Variants in CADPS2 observed in about 807,000 individuals in gnomAD.
CADPS2 encodes calcium dependent secretion activator 2.
A neutral mutation model predicts 172.5 loss-of-function variants in CADPS2; 93 were observed. That is an observed-to-expected ratio of 0.54 (90% CI 0.46 to 0.64). CADPS2 has a LOEUF of 0.64. Among genes scored for constraint, CADPS2 ranks in the 30% least tolerant of loss-of-function variants. The pLI is 0.00. For missense variants in CADPS2, 1,420 were observed against 1,565.9 expected (o/e 0.91, Z 1.57); for synonymous variants, 546 against 555.2 (o/e 0.98, Z 0.23).
At chr7:122,365,014 T>C (rs147674315) in intron 25 of CADPS2, among the ~76,000 whole-genome samples, 2 of 152,296 alleles carry the variant, frequency 1.3e-5, no homozygotes, top group East Asian at 3.9e-4. Flanking sequence ...AGCCAAAGGA[T>C]AGCAGAGATA....
chr7:122,755,586 T>A (rs915636728), intron 1 of CADPS2, among the ~76,000 whole-genome samples: 1 of 152,050 alleles, frequency 6.6e-6, no homozygotes, highest in Non-Finnish European at 1.5e-5. Flanking sequence ...GAACTTCCAG[T>A]ACATAAAATG....
At chr7:122,883,253 G>A (rs538008092) in intron 1 of CADPS2, among the ~76,000 whole-genome samples, 3 of 152,070 alleles carry the variant, frequency 2.0e-5, no homozygotes, top group East Asian at 1.9e-4. Flanking sequence ...AATAGTGAAC[G>A]GGCTTTGACT....
intron 1 of CADPS2, among the ~76,000 whole-genome samples, chr7:122,836,715 CAAG>C (rs1451075410): frequency 6.6e-6 from 1 of 152,186 alleles, no homozygotes; most frequent in Non-Finnish European, 1.5e-5. Flanking sequence ...ATCAATTCAA[CAAG>C]AAGAGCTAAC....
At chr7:122,490,385 A>T in intron 10 of CADPS2, 104 bp from the exon 11 acceptor site, 1 of 802,414 alleles carries the variant, frequency 1.2e-6, no homozygotes, top group Admixed American at 2.3e-5. Flanking sequence ...TGATATTAGC[A>T]GTTAAATGTT....
chr7:122,801,379 T>C (rs1797614725), intron 1 of CADPS2, among the ~76,000 whole-genome samples: 1 of 152,150 alleles, frequency 6.6e-6, no homozygotes, highest in Non-Finnish European at 1.5e-5. Context: ...CATTAACAGA[T>C]TAAAGGACAA....
intron 6 of CADPS2, among the ~76,000 whole-genome samples, chr7:122,601,858 C>T (rs1249516330): frequency 1.3e-5 from 2 of 152,032 alleles, no homozygotes; most frequent in Non-Finnish European, 2.9e-5. Flanking sequence ...AGCTCTCATG[C>T]TGCAAAAGTT....
chr7:122,725,337 T>TTA (rs35468775), intron 2 of CADPS2, among the ~76,000 whole-genome samples: 7,326 of 151,770 alleles, frequency 0.048, 234 homozygotes, highest in Non-Finnish European at 0.05. Context: ...AACATCTCTT[T>TTA]TATATATATA....
chr7:122,644,589 T>C (rs1172702172), intron 3 of CADPS2, among the ~76,000 whole-genome samples: 3 of 152,218 alleles, frequency 2.0e-5, no homozygotes. Context: ...ATTCCACCTG[T>C]ATTTGAAAGG....
chr7:122,449,561 A>G (rs1263308501), intron 15 of CADPS2, among the ~76,000 whole-genome samples: 1 of 152,124 alleles, frequency 6.6e-6, no homozygotes, highest in Non-Finnish European at 1.5e-5. Flanking sequence ...GGCTCAAGCA[A>G]CCTTCCCTCC....
chr7:122,792,527 C>T (rs1160224617), intron 1 of CADPS2, among the ~76,000 whole-genome samples: 1 of 152,100 alleles, frequency 6.6e-6, no homozygotes, highest in Non-Finnish European at 1.5e-5. Context: ...TTATAAGCTA[C>T]CCAGTTTATG....
At chr7:122,480,486 A>G (rs2057157689) in intron 12 of CADPS2, among the ~76,000 whole-genome samples, 1 of 152,204 alleles carries the variant, frequency 6.6e-6, no homozygotes, top group African/African-American at 2.4e-5. Flanking sequence ...AATATTTTAG[A>G]TGTAATTCTA....
At chr7:122,806,366 G>C (rs932256381) in intron 1 of CADPS2, among the ~76,000 whole-genome samples, 3 of 152,022 alleles carry the variant, frequency 2.0e-5, no homozygotes, top group East Asian at 3.9e-4. Flanking sequence ...TGTACCCACA[G>C]AACTAAAAAC....
chr7:122,821,784 T>C (rs921541207), intron 1 of CADPS2, among the ~76,000 whole-genome samples: 25 of 152,046 alleles, frequency 1.6e-4, no homozygotes, highest in Non-Finnish European at 2.6e-4. Context: ...CTTTTAAAAA[T>C]ACACCTCACC....
At chr7:122,826,040 G>C (rs758636896) in intron 1 of CADPS2, among the ~76,000 whole-genome samples, 6 of 152,130 alleles carry the variant, frequency 3.9e-5, no homozygotes, top group Non-Finnish European at 7.4e-5. Context: ...AGACAACATG[G>C]GGAGCTTAAC....
In CADPS2 at chr7:122,808,264, G is replaced by A. The variant is rs553726804; in HGVS notation, c.340-71196C>T. Among the ~76,000 whole-genome samples the A allele has an allele frequency of 9.9e-5, 15 of 152,104 alleles. No individual in the cohort carries two copies. In the East Asian group the frequency reaches 2.5e-3, roughly 25 times the overall value. On this transcript the variant is annotated intron_variant, in intron 1 of 29. Transcript: ENST00000449022. ...AGTGTGTTGTTAAACTGCTTCCCTG[G>A]CAACATTCTATGTTCATGTTTTTAC...
At chr7:122,710,294 A>T (rs2088492820) in intron 2 of CADPS2, among the ~76,000 whole-genome samples, 1 of 152,024 alleles carries the variant, frequency 6.6e-6, no homozygotes, top group Admixed American at 6.6e-5. Flanking sequence ...ACCCTTTCTT[A>T]TTTGTTATAT....
At chr7:122,730,688 G>T (rs941421043) in intron 2 of CADPS2, among the ~76,000 whole-genome samples, 1 of 151,506 alleles carries the variant, frequency 6.6e-6, no homozygotes, top group Non-Finnish European at 1.5e-5. Flanking sequence ...AACTGTAAAA[G>T]GAGTTGCTAT....
rs149301478 is a variant in CADPS2, at chr7:122,560,902, T to C, written c.1336-6213A>G. On this transcript the variant is annotated intron_variant, in intron 7 of 29. Transcript: ENST00000449022. ...CACTTCAGTATTTATTTAGCAGATG[T>C]TAATAACCACATATATTAATATTTG... Among the ~76,000 whole-genome samples the C allele has an allele frequency of 4.7e-3, 709 of 152,316 alleles. 6 individuals carry two copies. Among genetic ancestry groups the C allele is most frequent in the African/African-American group, 0.014 (575 of 41,582 alleles).
At chr7:122,706,616 T>TTG (rs1409070477) in intron 2 of CADPS2, among the ~76,000 whole-genome samples, 33 of 144,484 alleles carry the variant, frequency 2.3e-4, no homozygotes, top group Admixed American at 2.8e-4. Flanking sequence ...AAGAGATAGG[T>TTG]TGTGTGTGTG....
Sources: allele counts gnomAD v4.1 joint callset (sites outside exome capture counted in the v4.1 genomes callset), GRCh38; gene constraint gnomAD v4.1.1; transcripts MANE v1.5; gene names NCBI Gene and HGNC (gene_info 2026-07-23, HGNC 2026-07-21).